The following TRDN variants were observed in gnomAD, a reference collection of about 807,000 sequenced individuals.
TRDN encodes triadin, also known as triadin in skeletal muscle.
In TRDN, 161 loss-of-function variants were observed where a neutral mutation model predicts 149.7. The ratio of observed to expected loss-of-function variants is 1.08; its 90% CI spans 0.95 to 1.23. The LOEUF is 1.23. Ranked by LOEUF, TRDN falls within the 50% of genes most tolerant of loss-of-function variation. The probability of loss-of-function intolerance (pLI) is 0.00; values close to 1 mark genes in which losing one functional copy is unlikely to be tolerated. For missense variants in TRDN, 896 were observed against 823.5 expected (o/e 1.09, Z -1.08); for synonymous variants, 294 against 250.5 (o/e 1.17, Z -1.64).
At chr6:123,517,041 A>G (rs1779443499) in intron 5 of TRDN, among the ~76,000 whole-genome samples, 1 of 152,194 alleles carries the variant, frequency 6.6e-6, no homozygotes. Flanking sequence ...AACAAGATAG[A>G]GTTCATTCCT....
intron 2 of TRDN, among the ~76,000 whole-genome samples, chr6:123,562,302 T>G (rs1782046030): frequency 6.6e-6 from 1 of 152,248 alleles, no homozygotes; most frequent in African/African-American, 2.4e-5. Flanking sequence ...ACAGCCTTGT[T>G]GCTCACACAA....
intron 10 of TRDN, among the ~76,000 whole-genome samples, chr6:123,452,355 C>G (rs984196008): frequency 1.3e-5 from 2 of 152,052 alleles, no homozygotes; most frequent in Non-Finnish European, 2.9e-5. Flanking sequence ...AACCTAAAGA[C>G]TCCTCTAGAA....
intron 1 of TRDN, among the ~76,000 whole-genome samples, chr6:123,618,591 T>C (rs1785223413): frequency 6.6e-6 from 1 of 152,222 alleles, no homozygotes; most frequent in African/African-American, 2.4e-5. Flanking sequence ...GGGACAATTA[T>C]TCTGTATACC....
chr6:123,424,399 C>T (rs967084443), intron 12 of TRDN, among the ~76,000 whole-genome samples: 5 of 152,084 alleles, frequency 3.3e-5, no homozygotes, highest in East Asian at 1.9e-4. Flanking sequence ...GTTGAAGTCA[C>T]GGCTCTTTTC....
chr6:123,296,295 T>C lies in TRDN; in HGVS notation c.1511-17213A>G, dbSNP rs1778193381. On this transcript the variant is annotated intron_variant, in intron 24 of 40. Coordinates refer to ENST00000334268, the MANE Select transcript of TRDN (RefSeq NM_006073.4). The stretch of plus-strand genomic sequence containing the variant: ...GAGCAGAGGTTGACTTTGCTGTAGA[T>C]ATACATCTTAGCCAGAAAGAACCAT... 2.0e-5 allele frequency among the ~76,000 whole-genome samples: 3 copies of C among 152,152 alleles called. No homozygotes were observed. The South Asian group carries it at 6.2e-4, about 31-fold the overall frequency.
At chr6:123,583,577 G>A (rs1783250127) in intron 1 of TRDN, among the ~76,000 whole-genome samples, 1 of 148,366 alleles carries the variant, frequency 6.7e-6, no homozygotes, top group Non-Finnish European at 1.5e-5. Flanking sequence ...TGAATACTAG[G>A]AGCCTGAAAA....
In TRDN at chr6:123,435,994, C is replaced by A. The variant is rs2114586324; in HGVS notation, c.1051+2069G>T. On this transcript the variant is annotated intron_variant, in intron 12 of 40. Coordinates refer to ENST00000334268, the MANE Select transcript of TRDN (RefSeq NM_006073.4). ...GCTAAAACCAAGCCAAACACACATG[C>A]ACACACACATACGCATGAGCACACA... Among the ~76,000 whole-genome samples the A allele has an allele frequency of 1.3e-5, 2 of 152,216 alleles. 1 individual carries two copies. The highest frequency in any genetic ancestry group is 3.9e-4 in the East Asian group (2 of 5,178).
At chr6:123,493,128 T>C (rs35370772) in intron 9 of TRDN, among the ~76,000 whole-genome samples, 15,104 of 152,160 alleles carry the variant, frequency 0.099, 1,033 homozygotes, top group South Asian at 0.21. Flanking sequence ...AAAATGTACA[T>C]ACAGGTCTAT....
At chr6:123,522,913 T>C (rs888811664) in intron 5 of TRDN, among the ~76,000 whole-genome samples, 1 of 152,168 alleles carries the variant, frequency 6.6e-6, no homozygotes, top group Non-Finnish European at 1.5e-5. Flanking sequence ...GAGAAGACTA[T>C]GAGCCCATAT....
intron 23 of TRDN, 105 bp downstream of exon 23, chr6:123,331,774 T>C: frequency 1.5e-6 from 1 of 676,258 alleles, no homozygotes; most frequent in East Asian, 3.1e-5. Context: ...ATGAAGGCTA[T>C]GGTTTTGAGA....
At chr6:123,506,103 T>C (rs896992992) in intron 7 of TRDN, among the ~76,000 whole-genome samples, 2 of 152,188 alleles carry the variant, frequency 1.3e-5, no homozygotes, top group African/African-American at 4.8e-5. Context: ...GAATGTTTAT[T>C]AGTGTCTGTC....
intron 14 of TRDN, among the ~76,000 whole-genome samples, chr6:123,387,936 T>G (rs941123003): frequency 6.6e-6 from 1 of 152,196 alleles, no homozygotes; most frequent in South Asian, 2.1e-4. Context: ...TTTTATATGT[T>G]TTTTAGCTGG....
intron 1 of TRDN, among the ~76,000 whole-genome samples, chr6:123,603,905 A>G (rs1784395653): frequency 6.6e-6 from 1 of 152,184 alleles, no homozygotes; most frequent in African/African-American, 2.4e-5. Flanking sequence ...TCTCAAATGC[A>G]TCAGTTCCAA....
rs565068065 is a variant in TRDN, at chr6:123,445,986, C to T, written c.932-6983G>A. ...CGATAGCAAAGACTTGGAACCAACC[C>T]AAATGTCCAACAATGATAGACCGGA... On this transcript the variant is annotated intron_variant, in intron 10 of 40. Coordinates refer to ENST00000334268, the MANE Select transcript of TRDN (RefSeq NM_006073.4). 5.8e-4 allele frequency among the ~76,000 whole-genome samples: 85 copies of T among 147,180 alleles called. 3 individuals carry two copies. The highest frequency in any genetic ancestry group is 2.2e-3 in the African/African-American group (84 of 37,684).
chr6:123,505,235 A>T (rs1437977426), intron 7 of TRDN, among the ~76,000 whole-genome samples: 1 of 137,394 alleles, frequency 7.3e-6, no homozygotes. Context: ...CAAGAGCAAA[A>T]CTCTGTCTCA....
intron 13 of TRDN, 35 bp from the exon 14 acceptor site, chr6:123,388,586 A>T: frequency 6.4e-7 from 1 of 1,569,594 alleles, no homozygotes; most frequent in Non-Finnish European, 8.7e-7. Context: ...GGCATATGAA[A>T]TGACCATTCC....
chr6:123,450,617 T>G (rs537365613), intron 10 of TRDN, among the ~76,000 whole-genome samples: 2 of 152,090 alleles, frequency 1.3e-5, no homozygotes, highest in Non-Finnish European at 2.9e-5. Flanking sequence ...CTAACAGACC[T>G]AAGAAATTAG....
chr6:123,377,853 T>C lies in TRDN; in HGVS notation c.1219+13A>G. ...ATGAAATTGTGAGAACAGAGGAATTTAAAAACAGTTACCTGGTTCCACATG... is the reference window on the plus strand; with the variant it reads ...ATGAAATTGTGAGAACAGAGGAATTCAAAAACAGTTACCTGGTTCCACATG... On this transcript the variant is annotated intron_variant, in intron 17 of 40. Transcript: ENST00000334268. 6.3e-7 allele frequency: 1 copy of C among 1,580,930 alleles called. No individual in the cohort carries two copies. The highest frequency in any genetic ancestry group is 8.7e-7 in the Non-Finnish European group (1 of 1,156,030).
In TRDN at chr6:123,258,376, T is replaced by G. The variant is rs12110877; in HGVS notation, c.1870+1248A>C. Among the ~76,000 whole-genome samples, 1,263 of 152,196 alleles carry G rather than the reference T, an allele frequency of 8.3e-3. 27 individuals are homozygous for G. Among genetic ancestry groups the G allele is most frequent in the East Asian group, 0.079 (408 of 5,174 alleles). On this transcript the variant is annotated intron_variant, in intron 35 of 40. Transcript: ENST00000334268. ...TTGAATTTTGTCAAAGGCCTTTTCT[T>G]TATCTATTGAAATAATCATGTGTTT...
Sources: allele counts gnomAD v4.1 joint callset (sites outside exome capture counted in the v4.1 genomes callset), GRCh38; gene constraint gnomAD v4.1.1; transcripts MANE v1.5; gene names NCBI Gene and HGNC (gene_info 2026-07-23, HGNC 2026-07-21).